GRIK1: variants seen among roughly 807,000 people sequenced by gnomAD.
The protein encoded by GRIK1 is glutamate receptor ionotropic, kainate 1.
In GRIK1, 69 loss-of-function variants were observed where a neutral mutation model predicts 105.7. The observed-to-expected ratio is 0.65, with a 90% CI of 0.54 to 0.80. The LOEUF (loss-of-function observed/expected upper bound fraction) is 0.80. Ranked by LOEUF, GRIK1 falls within the 30% of genes least tolerant of loss-of-function variation. GRIK1 has a pLI of 0.00. For missense variants in GRIK1, 1,109 were observed against 1,167.3 expected (o/e 0.95, Z 0.73); for synonymous variants, 438 against 431.3 (o/e 1.02, Z -0.19).
intron 1 of GRIK1, among the ~76,000 whole-genome samples, chr21:29,907,033 A>T (rs1221575121): frequency 6.6e-6 from 1 of 151,972 alleles, no homozygotes; most frequent in Non-Finnish European, 1.5e-5. Flanking sequence ...TAAAAAAAAA[A>T]AAGCCAAAGC....
At chr21:29,539,975 A>T (rs1215913143) in intron 16 of GRIK1, among the ~76,000 whole-genome samples, 1 of 152,176 alleles carries the variant, frequency 6.6e-6, no homozygotes, top group Non-Finnish European at 1.5e-5. Context: ...GAATTTTCCC[A>T]AAAACCATTA....
intron 12 of GRIK1, among the ~76,000 whole-genome samples, chr21:29,584,308 AT>A (rs368690391): frequency 0.036 from 5,526 of 151,560 alleles, 332 homozygotes; most frequent in African/African-American, 0.12. Flanking sequence ...GGTTTTCTAG[AT>A]TTTTTTTTGC....
chr21:29,807,133 G>A (rs2066884207), intron 1 of GRIK1, among the ~76,000 whole-genome samples: 1 of 152,160 alleles, frequency 6.6e-6, no homozygotes, highest in Non-Finnish European at 1.5e-5. Flanking sequence ...GATGTCTTAA[G>A]TCTGTCTCAA....
At chr21:29,777,702 C>T (rs917731346) in intron 1 of GRIK1, among the ~76,000 whole-genome samples, 37 of 152,076 alleles carry the variant, frequency 2.4e-4, no homozygotes, top group African/African-American at 7.5e-4. Flanking sequence ...CGCTGAAGGA[C>T]GTTAAGTACA....
chr21:29,637,921 C>G (rs1044745511), intron 7 of GRIK1, among the ~76,000 whole-genome samples: 1 of 152,270 alleles, frequency 6.6e-6, no homozygotes, highest in South Asian at 2.1e-4. Context: ...ATGCTGCATG[C>G]CTGTCTCCAT....
chr21:29,713,995 A>G (rs1266725876), intron 1 of GRIK1, among the ~76,000 whole-genome samples: 2 of 152,204 alleles, frequency 1.3e-5, no homozygotes, highest in African/African-American at 4.8e-5. Context: ...GAGGTGATCA[A>G]TTAATGTTTA....
At chr21:29,651,782 G>A (rs527500704) in intron 5 of GRIK1, among the ~76,000 whole-genome samples, 24 of 151,374 alleles carry the variant, frequency 1.6e-4, no homozygotes, top group African/African-American at 5.6e-4. Flanking sequence ...AATCTATATG[G>A]GGTTTGGCAC....
At chr21:29,839,661 T>C (rs2067919389) in intron 1 of GRIK1, among the ~76,000 whole-genome samples, 2 of 152,110 alleles carry the variant, frequency 1.3e-5, no homozygotes, top group African/African-American at 4.8e-5. Flanking sequence ...TACTCTAATA[T>C]GCAGAAAGTG....
intron 7 of GRIK1, among the ~76,000 whole-genome samples, chr21:29,605,281 C>A (rs560042439): frequency 6.6e-6 from 1 of 152,258 alleles, no homozygotes; most frequent in Admixed American, 6.5e-5. Flanking sequence ...GTATTCTCAT[C>A]ATTCAACTCC....
intron 1 of GRIK1, among the ~76,000 whole-genome samples, chr21:29,772,080 T>C (rs1235855911): frequency 6.6e-6 from 1 of 152,258 alleles, no homozygotes; most frequent in Non-Finnish European, 1.5e-5. Flanking sequence ...CAGTGCATTA[T>C]TCAAAAACAA....
intron 9 of GRIK1, chr21:29,596,256 A>G: frequency 1.8e-6 from 1 of 565,064 alleles, no homozygotes; most frequent in Admixed American, 2.2e-5. Context: ...CCTAACAAGG[A>G]CTGATCCTGC....
In GRIK1 at chr21:29,597,459, G is replaced by A. The variant is rs902817154; in HGVS notation, c.1207-889C>T. 7 of 250,254 alleles carry A rather than the reference G, an allele frequency of 2.8e-5. 1 individual carries two copies. The highest frequency in any genetic ancestry group is 6.2e-5 in the Non-Finnish European group (7 of 113,108). 15.5% of individuals were successfully genotyped at this position (250,254 alleles called of 1,614,324 possible). A position where few individuals can be genotyped will look rare whatever the true frequency, so the allele number is the denominator to read the frequency against. On this transcript the variant is annotated intron_variant, in intron 8 of 17. Coordinates refer to ENST00000327783, the MANE Select transcript of GRIK1 (RefSeq NM_001330994.2). ...CTTCCCCCTTCAGTGCTATACATAA[G>A]AGGAGAACAGAGTTGGGGAAAGACT...
chr21:29,611,779 ACTCT>A (rs2061735837), intron 7 of GRIK1, among the ~76,000 whole-genome samples: 2 of 152,174 alleles, frequency 1.3e-5, no homozygotes, highest in African/African-American at 4.8e-5. Context: ...TTACATCCTA[ACTCT>A]AGACTTTATA....
At chr21:29,906,437 ATTG>A (rs1166850550) in intron 1 of GRIK1, among the ~76,000 whole-genome samples, 1 of 152,160 alleles carries the variant, frequency 6.6e-6, no homozygotes, top group African/African-American at 2.4e-5. Flanking sequence ...TATTTCAAAA[ATTG>A]TTAAGTTGTT....
intron 7 of GRIK1, among the ~76,000 whole-genome samples, chr21:29,636,998 T>C (rs935333179): frequency 1.3e-5 from 2 of 152,226 alleles, no homozygotes; most frequent in Non-Finnish European, 2.9e-5. Flanking sequence ...CCATTCATTA[T>C]ACTGGAATGC....
chr21:29,766,456 G>A (rs113183138), intron 1 of GRIK1, among the ~76,000 whole-genome samples: 6,467 of 152,182 alleles, frequency 0.042, 207 homozygotes, highest in Non-Finnish European at 0.066. Context: ...TGAGGTTGAG[G>A]AATCCTGAGA....
At chr21:29,540,177 T>C (rs2089946142) in intron 16 of GRIK1, among the ~76,000 whole-genome samples, 1 of 152,152 alleles carries the variant, frequency 6.6e-6, no homozygotes, top group South Asian at 2.1e-4. Flanking sequence ...TACCTGACAA[T>C]CTGTTTCAAC....
Position 29,857,978 on chromosome 21 carries a change from C to T in GRIK1, c.118+81405G>A, listed in dbSNP as rs1314743628. Among the ~76,000 whole-genome samples, 6 of 152,334 alleles carry T rather than the reference C, an allele frequency of 3.9e-5. No homozygotes were observed. In the Middle Eastern group the frequency reaches 0.01, roughly 259 times the overall value. On this transcript the variant is annotated intron_variant, in intron 1 of 17. Transcript: ENST00000327783. ...GCGGTGTCACGATCTTGGCTCACTG[C>T]AGCATCCGCCTCCCAGGCTCAAGCA...
At chr21:29,766,560 T>C (rs1376988344) in intron 1 of GRIK1, among the ~76,000 whole-genome samples, 1 of 152,250 alleles carries the variant, frequency 6.6e-6, no homozygotes, top group Non-Finnish European at 1.5e-5. Flanking sequence ...TTTTGGATTT[T>C]ATTCCACAGA....
Sources: allele counts gnomAD v4.1 joint callset (sites outside exome capture counted in the v4.1 genomes callset), GRCh38; gene constraint gnomAD v4.1.1; transcripts MANE v1.5; gene names NCBI Gene and HGNC (gene_info 2026-07-23, HGNC 2026-07-21).